The following PDE4D variants were observed in gnomAD, a reference collection of about 807,000 sequenced individuals.
The protein encoded by PDE4D is phosphodiesterase 4D.
In PDE4D, 24 loss-of-function variants were observed where a neutral mutation model predicts 87.4. The ratio of observed to expected loss-of-function variants is 0.27; its 90% CI spans 0.20 to 0.39. PDE4D has a LOEUF of 0.39. Ranked by LOEUF, PDE4D falls within the 10% of genes least tolerant of loss-of-function variation. The pLI is 1.00. For missense variants in PDE4D, 714 were observed against 1,041.0 expected (o/e 0.69, Z 4.32); for synonymous variants, 384 against 383.2 (o/e 1.00, Z -0.02).
chr5:59,254,606 T>TTTC (rs1198301004), intron 1 of PDE4D, among the ~76,000 whole-genome samples: 1 of 151,880 alleles, frequency 6.6e-6, no homozygotes, highest in African/African-American at 2.4e-5. Flanking sequence ...GGAAAATACA[T>TTTC]TTCTTCTTCT....
chr5:59,377,309 C>T (rs1454906173), intron 1 of PDE4D, among the ~76,000 whole-genome samples: 3 of 151,702 alleles, frequency 2.0e-5, no homozygotes, highest in South Asian at 4.2e-4. Context: ...CCCAGCTACT[C>T]AGGAGACTGA....
At chr5:60,375,534 C>T (rs574787162) in intron 1 of PDE4D, among the ~76,000 whole-genome samples, 19 of 152,218 alleles carry the variant, frequency 1.2e-4, no homozygotes, top group East Asian at 9.7e-4. Flanking sequence ...TAATTTGTGC[C>T]AGGCAGGGCT....
chr5:59,146,153 A>G (rs1327706001), intron 5 of PDE4D, among the ~76,000 whole-genome samples: 2 of 152,266 alleles, frequency 1.3e-5, no homozygotes, highest in South Asian at 4.1e-4. Context: ...ACATATATAC[A>G]TACACACCCA....
intron 5 of PDE4D, among the ~76,000 whole-genome samples, chr5:59,156,205 G>A (rs1439766965): frequency 2.0e-5 from 3 of 151,768 alleles, no homozygotes; most frequent in African/African-American, 7.3e-5. Context: ...AAGGAGGACA[G>A]GATGGCAAGA....
At position 59,969,701 on chromosome 5, in the gene PDE4D, T is replaced by C. The variant is rs139501979; in HGVS notation, c.272+18787A>G. Among the ~76,000 whole-genome samples, 180 of 152,266 alleles carry C rather than the reference T, an allele frequency of 1.2e-3. 1 individual carries two copies. The East Asian group carries it at 0.033, about 28-fold the overall frequency. ...TACCTCCATACTGTTCTCGTGATAGTGAGTTCTCATGAGAGCTGATGGTTT... is the reference window on the plus strand; with the variant it reads ...TACCTCCATACTGTTCTCGTGATAGCGAGTTCTCATGAGAGCTGATGGTTT... On this transcript the variant is annotated intron_variant, in intron 3 of 16. Coordinates refer to the PDE4D transcript ENST00000502484.
intron 1 of PDE4D, among the ~76,000 whole-genome samples, chr5:60,234,655 G>A (rs1290741965): frequency 2.6e-5 from 4 of 151,830 alleles, no homozygotes; most frequent in Admixed American, 6.6e-5. Context: ...GAATGCACGA[G>A]TAAAGCCATT....
intron 1 of PDE4D, among the ~76,000 whole-genome samples, chr5:59,325,619 T>C (rs984689293): frequency 6.6e-6 from 1 of 152,172 alleles, no homozygotes; most frequent in Non-Finnish European, 1.5e-5. Flanking sequence ...CAAGCTCCTA[T>C]AGTGCTGCAA....
At chr5:59,605,149 A>C (rs962740624) in intron 1 of PDE4D, among the ~76,000 whole-genome samples, 2 of 152,114 alleles carry the variant, frequency 1.3e-5, no homozygotes, top group Non-Finnish European at 2.9e-5. Flanking sequence ...GGCTGACAAA[A>C]CATCAGAATA....
At chr5:59,809,908 C>A (rs976132397) in intron 1 of PDE4D, among the ~76,000 whole-genome samples, 1 of 151,996 alleles carries the variant, frequency 6.6e-6, no homozygotes, top group African/African-American at 2.4e-5. Flanking sequence ...ATGTGGGAAC[C>A]CCTCGATTGC....
Position 59,939,931 on chromosome 5 carries a change from A to T in PDE4D, c.272+48557T>A, listed in dbSNP as rs148349815. On this transcript the variant is annotated intron_variant, in intron 3 of 16. Coordinates refer to the PDE4D transcript ENST00000502484. ...AGTTTAGCTTCTAATATAAAAACTC[A>T]TGACACCAATTCTTTGGTATGATCA... 4.1e-4 allele frequency among the ~76,000 whole-genome samples: 63 copies of T among 152,332 alleles called. 3 individuals are homozygous for T. In the East Asian group the frequency reaches 6.8e-3, roughly 16 times the overall value.
At chr5:59,093,790 G>T (rs574659934) in intron 5 of PDE4D, among the ~76,000 whole-genome samples, 1 of 152,264 alleles carries the variant, frequency 6.6e-6, no homozygotes, top group Admixed American at 6.5e-5. Flanking sequence ...ATGAAGAAGA[G>T]AAACTAGAAG....
chr5:60,409,107 T>C (rs953439748), intron 1 of PDE4D, among the ~76,000 whole-genome samples: 4 of 152,104 alleles, frequency 2.6e-5, no homozygotes, highest in Non-Finnish European at 5.9e-5. Flanking sequence ...TAGTGACTTA[T>C]GCAGAAAAGA....
chr5:59,573,580 T>C (rs970161230), intron 1 of PDE4D, among the ~76,000 whole-genome samples: 1 of 152,118 alleles, frequency 6.6e-6, no homozygotes, highest in Non-Finnish European at 1.5e-5. Context: ...ATCATTCTCA[T>C]TGGCTCTTTA....
chr5:59,780,675 G>C (rs540497092), intron 1 of PDE4D, among the ~76,000 whole-genome samples: 58 of 152,230 alleles, frequency 3.8e-4, no homozygotes, highest in Non-Finnish European at 6.2e-4. Context: ...CTTTTTCCTT[G>C]AGCAAAATCA....
intron 1 of PDE4D, among the ~76,000 whole-genome samples, chr5:59,849,535 T>A (rs925059299): frequency 2.6e-5 from 4 of 151,934 alleles, no homozygotes; most frequent in African/African-American, 9.7e-5. Flanking sequence ...CTCATCTCTA[T>A]TATTTATATG....
intron 1 of PDE4D, among the ~76,000 whole-genome samples, chr5:59,442,640 C>A (rs953996250): frequency 6.6e-6 from 1 of 152,168 alleles, no homozygotes; most frequent in African/African-American, 2.4e-5. Flanking sequence ...ATGCCTATTA[C>A]ATTCTACCTT....
intron 1 of PDE4D, among the ~76,000 whole-genome samples, chr5:59,506,644 T>C (rs1158011006): frequency 6.6e-6 from 1 of 152,084 alleles, no homozygotes; most frequent in East Asian, 1.9e-4. Context: ...AATGGAGGAA[T>C]AGTTTCCCAT....
chr5:59,576,128 A>G (rs1823103245), intron 1 of PDE4D, among the ~76,000 whole-genome samples: 1 of 152,128 alleles, frequency 6.6e-6, no homozygotes, highest in African/African-American at 2.4e-5. Context: ...TATTTATTGG[A>G]TACTTACTGA....
chr5:59,298,392 G>A (rs559278574), intron 1 of PDE4D, among the ~76,000 whole-genome samples: 5 of 152,084 alleles, frequency 3.3e-5, no homozygotes, highest in African/African-American at 4.8e-5. Context: ...CTGGAATTAC[G>A]GTGTGAGCCA....
Sources: allele counts gnomAD v4.1 joint callset (sites outside exome capture counted in the v4.1 genomes callset), GRCh38; gene constraint gnomAD v4.1.1; transcripts MANE v1.5; gene names NCBI Gene and HGNC (gene_info 2026-07-23, HGNC 2026-07-21).